Variants in ANKRD52 observed in about 807,000 individuals in gnomAD.
ANKRD52 encodes ankyrin repeat domain 52.
ANKRD52 carries 7 observed loss-of-function variants against 116.0 expected under a neutral mutation model. That is an observed-to-expected ratio of 0.06 (90% CI 0.03 to 0.11). ANKRD52 has a LOEUF of 0.11. ANKRD52 is among the 10% of genes least tolerant of loss of function. The probability of loss-of-function intolerance (pLI) is 1.00; values close to 1 mark genes in which losing one functional copy is unlikely to be tolerated. For synonymous variants in ANKRD52, 528 were observed against 578.1 expected (o/e 0.91, Z 1.24); for missense variants, 839 against 1,408.6 (o/e 0.60, Z 6.47).
rs756686927 is a variant in ANKRD52 at position 56,253,906 on chromosome 12, A to C, written c.907-106T>G. 23 of 1,379,038 alleles carry C rather than the reference A, an allele frequency of 1.7e-5. No individual in the cohort carries two copies. The highest frequency in any genetic ancestry group is 3.8e-5 in the Admixed American group (2 of 52,590). The allele number at this position is 1,379,038 out of a possible 1,614,324, so 85.4% of individuals were successfully genotyped here. A position where few individuals can be genotyped will look rare whatever the true frequency, so the allele number is the denominator to read the frequency against. On this transcript the variant is annotated intron_variant, in intron 8 of 27. Transcript: ENST00000267116. This position sits in a 1 kb window ranked among gnomAD's most constrained non-coding sequence, Gnocchi z 5.5. Reference sequence around the variant, plus strand: ...ACATATCTCTAAGGACAAAAGGGTCATATGGCACCTTCTTAGCCCACTCTT... The same window carrying C: ...ACATATCTCTAAGGACAAAAGGGTCCTATGGCACCTTCTTAGCCCACTCTT...
chr12:56,242,423 T>TG lies in ANKRD52; in HGVS notation c.*718dup. 1 of 289,364 alleles carries TG rather than the reference T, an allele frequency of 3.5e-6. No homozygotes were observed. 17.9% of individuals were successfully genotyped at this position (289,364 alleles called of 1,614,324 possible). ...GGGCCAGGCTAGGAGTGGGAGGGAA[T>TG]GGGGAGGGGGCAGGCTGTGGGGGCA... On this transcript the variant is annotated 3_prime_UTR_variant, in exon 28 of 28. Coordinates refer to ENST00000267116, the MANE Select transcript of ANKRD52 (RefSeq NM_173595.4). The surrounding 1 kb of genome is among the most constrained non-coding windows in gnomAD (Gnocchi z 4.3).
At chr12:56,251,041 A>G (rs1054019876) in intron 15 of ANKRD52, among the ~76,000 whole-genome samples, 4 of 151,960 alleles carry the variant, frequency 2.6e-5, no homozygotes, top group African/African-American at 7.3e-5. Flanking sequence ...CCCTGGTTCA[A>G]GTGATTCTCC....
chr12:56,248,012 TG>T lies in ANKRD52; in HGVS notation c.1978+10del. 6.3e-7 allele frequency: 1 copy of T among 1,586,456 alleles called. No individual in the cohort carries two copies. The highest frequency in any genetic ancestry group is 1.3e-5 in the African/African-American group (1 of 74,612). ...GCAAGGGTAGGGCAGCAGCCTAAAG[TG>T]GGCACTAACCAGCAGCGTGCAGGGG... On this transcript the variant is annotated intron_variant, in intron 18 of 27. Coordinates refer to ENST00000267116, the MANE Select transcript of ANKRD52 (RefSeq NM_173595.4). The surrounding 1 kb of genome is among the most constrained non-coding windows in gnomAD (Gnocchi z 5.1).
intron 20 of ANKRD52, among the ~76,000 whole-genome samples, chr12:56,246,525 G>A (rs1199856131): frequency 2.6e-5 from 4 of 152,124 alleles, no homozygotes; most frequent in Non-Finnish European, 4.4e-5. Context: ...AGGTGGTCAC[G>A]GAAGAGGATC....
At position 56,244,907 on chromosome 12, in the gene ANKRD52, G is replaced by A. The variant is rs538818712; in HGVS notation, c.2575C>T (p.Arg859Trp). The A allele has an allele frequency of 6.2e-7, 1 of 1,613,976 alleles. No individual in the cohort carries two copies. Among genetic ancestry groups the A allele is most frequent in the East Asian group, 2.2e-5 (1 of 44,886 alleles). ...CTTCCCAAGTCTTCCATCACTCACC[G>A]TCCTTTGGCATCTCGGCTGTTCACA... ...KIVNSRDAKGRTPLHAAAFAD... is the reference protein window; with the variant it reads ...KIVNSRDAKGWTPLHAAAFAD... Residue 859 changes from arginine to tryptophan, a missense_variant and splice_region_variant, in exon 23 of 28, where the codon CGG becomes TGG. By Grantham distance (101) the Arg-to-Trp change is moderately radical. Transcript: ENST00000267116. This position sits in a 1 kb window ranked among gnomAD's most constrained non-coding sequence, Gnocchi z 4.9.
chr12:56,242,171 A>G lies in ANKRD52; in HGVS notation c.*971T>C. 1 of 398,650 alleles carries G rather than the reference A, an allele frequency of 2.5e-6. No individual in the cohort carries two copies. The highest frequency in any genetic ancestry group is 4.4e-6 in the Non-Finnish European group (1 of 226,080). The allele number at this position is 398,650 out of a possible 1,614,324, so 24.7% of individuals were successfully genotyped here. A position where few individuals can be genotyped will look rare whatever the true frequency, so the allele number is the denominator to read the frequency against. ...GAGGAAGAACATGGTCCCTCCCTCCATATACATGCAAACACATGCCTGAAA... is the reference window on the plus strand; with the variant it reads ...GAGGAAGAACATGGTCCCTCCCTCCGTATACATGCAAACACATGCCTGAAA... On this transcript the variant is annotated 3_prime_UTR_variant, in exon 28 of 28. Coordinates refer to ENST00000267116, the MANE Select transcript of ANKRD52 (RefSeq NM_173595.4). This position sits in a 1 kb window ranked among gnomAD's most constrained non-coding sequence, Gnocchi z 4.3.
chr12:56,247,443 T>G (rs1871465025), intron 20 of ANKRD52, 50 bp downstream of exon 20: 1 of 1,450,460 alleles, frequency 6.9e-7, no homozygotes, highest in Non-Finnish European at 9.4e-7. Flanking sequence ...AGTCCCATGC[T>G]CCCACACTGA....
intron 20 of ANKRD52, 100 bp downstream of exon 20, chr12:56,247,393 T>C: frequency 8.5e-6 from 8 of 944,622 alleles, no homozygotes; most frequent in Non-Finnish European, 1.2e-5. Context: ...CACAAAATCC[T>C]GGCTTGCCTC....
chr12:56,244,281 T>C lies in ANKRD52; in HGVS notation c.2805+72A>G. 2 of 1,571,030 alleles carry C rather than the reference T, an allele frequency of 1.3e-6. No homozygotes were observed. The highest frequency in any genetic ancestry group is 1.7e-6 in the Non-Finnish European group (2 of 1,143,372). On this transcript the variant is annotated intron_variant, in intron 25 of 27. Transcript: ENST00000267116. This position sits in a 1 kb window ranked among gnomAD's most constrained non-coding sequence, Gnocchi z 4.9. ...TCCTCACTTCTGCCCCAGTCCCCTC[T>C]GCAACCGAGACTTACCTCTCTTCAT...
Position 56,252,179 on chromosome 12 carries a change from T to C in ANKRD52, c.1507A>G (p.Arg503Gly). ...GGACCAGACTGGTAGCCTCACCTCC[T>C]GTAAGTGTCAGAAGCGGCAGCGTAG... is the stretch of plus-strand genomic sequence containing the variant. ...LHYAAASDTY[R>G]RAEPHTPSSH... Residue 503 changes from arginine to glycine, a missense_variant, in exon 14 of 28, where the codon AGG becomes GGG. By Grantham distance (125) the Arg-to-Gly change is moderately radical. Transcript: ENST00000267116. This position sits in a 1 kb window ranked among gnomAD's most constrained non-coding sequence, Gnocchi z 4.7. 3.7e-6 allele frequency: 6 copies of C among 1,613,978 alleles called. No homozygotes were observed. Among genetic ancestry groups the C allele is most frequent in the African/African-American group, 1.3e-5 (1 of 75,040 alleles).
Position 56,248,170 on chromosome 12 carries a change from G to C in ANKRD52, c.1831C>G (p.Leu611Val). 6.2e-7 allele frequency: 1 copy of C among 1,613,966 alleles called. No homozygotes were observed. The highest frequency in any genetic ancestry group is 8.5e-7 in the Non-Finnish European group (1 of 1,179,896). The change falls in exon 18 of 28, where the codon CTG becomes GTG. Residue 611 changes from leucine to valine, a missense_variant. Leu to Val is a conservative substitution (Grantham distance 32). Coordinates refer to ENST00000267116, the MANE Select transcript of ANKRD52 (RefSeq NM_173595.4). The surrounding 1 kb of genome is among the most constrained non-coding windows in gnomAD (Gnocchi z 5.1). ...CGGCCCTTGTGGTCCCTTACGTCCAGATTCACCAGCGTCTCCGCCAGCGTC... is the reference window on the plus strand; with the variant it reads ...CGGCCCTTGTGGTCCCTTACGTCCACATTCACCAGCGTCTCCGCCAGCGTC... ...LKTLAETLVN[L>V]DVRDHKGRTA...
Position 56,253,984 on chromosome 12 carries a change from C to T in ANKRD52, c.906+83G>A. On this transcript the variant is annotated intron_variant, in intron 8 of 27. Coordinates refer to ENST00000267116, the MANE Select transcript of ANKRD52 (RefSeq NM_173595.4). The surrounding 1 kb of genome is among the most constrained non-coding windows in gnomAD (Gnocchi z 5.5). Reference sequence around the variant, plus strand: ...CCCTAGGAAGCAAGTGGATAATTCCCCAAGAGAGCTATCCAGATACAGTCA... The same window carrying T: ...CCCTAGGAAGCAAGTGGATAATTCCTCAAGAGAGCTATCCAGATACAGTCA... The T allele has an allele frequency of 6.9e-7, 1 of 1,453,000 alleles. No homozygotes were observed. Among genetic ancestry groups the T allele is most frequent in the South Asian group, 1.2e-5 (1 of 80,850 alleles). The allele number at this position is 1,453,000 out of a possible 1,614,324, so 90.0% of individuals were successfully genotyped here. A position where few individuals can be genotyped will look rare whatever the true frequency, so the allele number is the denominator to read the frequency against.
rs548926255 is a variant in ANKRD52, at chr12:56,244,684, G to A, written c.2690C>T (p.Thr897Met). 2.5e-5 allele frequency: 40 copies of A among 1,613,910 alleles called. No individual in the cohort carries two copies. The East Asian group carries it at 3.1e-4, about 13-fold the overall frequency. Residue 897 changes from threonine (T) to methionine (M), a missense_variant, in exon 24 of 28, where the codon ACG becomes ATG. Thr to Met is a moderately conservative substitution (Grantham distance 81). Transcript: ENST00000267116. The surrounding 1 kb of genome is among the most constrained non-coding windows in gnomAD (Gnocchi z 4.9). ...AGCGGTCTGCCCGTTCTCAGCCGCC[G>A]TCATGAGCGCAGTGCGGCCAGTGTG... is the stretch of plus-strand genomic sequence containing the variant. ...TDHTGRTALM[T>M]AAENGQTAAV...
chr12:56,243,404 A>AG lies in ANKRD52; in HGVS notation c.2981-13dup. On this transcript the variant is annotated splice_polypyrimidine_tract_variant and intron_variant, in intron 27 of 27. Transcript: ENST00000267116. This position sits in a 1 kb window ranked among gnomAD's most constrained non-coding sequence, Gnocchi z 4.6. ...TGCTGGGGTGTGACCTGCAGGGCCA[A>AG]GGGGGAGAACTGAGGCATAGAGTCC... 1 of 1,612,866 alleles carries AG rather than the reference A, an allele frequency of 6.2e-7. No homozygotes were observed. The highest frequency in any genetic ancestry group is 8.5e-7 in the Non-Finnish European group (1 of 1,179,400).
intron 15 of ANKRD52, among the ~76,000 whole-genome samples, chr12:56,250,542 T>C (rs1022081452): frequency 1.3e-5 from 2 of 151,522 alleles, no homozygotes; most frequent in Non-Finnish European, 2.9e-5. Flanking sequence ...TGTGCCACCG[T>C]GCCCAGCAAA....
chr12:56,255,276 C>T lies in ANKRD52; in HGVS notation c.463-324G>A, dbSNP rs959694385. 4.0e-5 allele frequency among the ~76,000 whole-genome samples: 6 copies of T among 151,794 alleles called. No individual in the cohort carries two copies. The highest frequency in any genetic ancestry group is 9.7e-5 in the African/African-American group (4 of 41,290). On this transcript the variant is annotated intron_variant, in intron 5 of 27. Transcript: ENST00000267116. This position sits in a 1 kb window ranked among gnomAD's most constrained non-coding sequence, Gnocchi z 4.3. Reference sequence around the variant, plus strand: ...CATGATTTCGGCTCATTGCAAGCTCCGCCTCCCGGGTTCACGCCATTCTCC... The same window carrying T: ...CATGATTTCGGCTCATTGCAAGCTCTGCCTCCCGGGTTCACGCCATTCTCC...
Position 56,253,062 on chromosome 12 carries a change from G to C in ANKRD52, c.1125C>G (p.Pro375=). 2 of 1,583,504 alleles carry C rather than the reference G, an allele frequency of 1.3e-6. No individual in the cohort carries two copies. Among genetic ancestry groups the C allele is most frequent in the African/African-American group, 1.3e-5 (1 of 74,282 alleles). ...TARRGIHDMF[P]LHLAVLFGFS... is the part of the protein sequence containing the mutation. ...ATCCAAAGAGAACAGCTAAGTGCAG[G>C]GGGAACATGTCATGGATGCCACGCC... The change falls in exon 11 of 28, where the codon CCC becomes CCG. Residue 375 remains proline (P), a synonymous_variant. Transcript: ENST00000267116. The surrounding 1 kb of genome is among the most constrained non-coding windows in gnomAD (Gnocchi z 5.5).
rs1257661747 is a variant in ANKRD52 at position 56,248,328 on chromosome 12, C to T, written c.1777-104G>A. The T allele has an allele frequency of 6.8e-7, 1 of 1,475,572 alleles. No individual in the cohort carries two copies. The highest frequency in any genetic ancestry group is 1.4e-5 in the African/African-American group (1 of 71,962). The allele number at this position is 1,475,572 out of a possible 1,614,324, so 91.4% of individuals were successfully genotyped here. On this transcript the variant is annotated intron_variant, in intron 17 of 27. Coordinates refer to ENST00000267116, the MANE Select transcript of ANKRD52 (RefSeq NM_173595.4). This position sits in a 1 kb window ranked among gnomAD's most constrained non-coding sequence, Gnocchi z 5.1. ...CCCTGGGAAGCTCAAGGTCTTAGTC[C>T]TTGACAAGCTCCTTGGGCCCCTTAA...
intron 15 of ANKRD52, among the ~76,000 whole-genome samples, chr12:56,251,609 G>A (rs1871695589): frequency 6.6e-6 from 1 of 151,948 alleles, no homozygotes; most frequent in East Asian, 1.9e-4. Flanking sequence ...TTTAATTAAT[G>A]CTTGTGGAAT....
Sources: allele counts gnomAD v4.1 joint callset (sites outside exome capture counted in the v4.1 genomes callset), GRCh38; gene constraint gnomAD v4.1.1; non-coding constraint Gnocchi (gnomAD v3.1); transcripts MANE v1.5; gene names NCBI Gene and HGNC (gene_info 2026-07-23, HGNC 2026-07-21).